NCAM2: variants seen among roughly 807,000 people sequenced by gnomAD.
The protein encoded by NCAM2 is neural cell adhesion molecule 2.
In NCAM2, 30 loss-of-function variants were observed where a neutral mutation model predicts 98.1. The observed-to-expected ratio is 0.31, with a 90% CI of 0.23 to 0.41. The LOEUF (loss-of-function observed/expected upper bound fraction) is 0.41. Ranked by LOEUF, NCAM2 falls within the 10% of genes least tolerant of loss-of-function variation. NCAM2 has a pLI of 1.00. For synonymous variants in NCAM2, 368 were observed against 342.4 expected (o/e 1.07, Z -0.83); for missense variants, 867 against 1,005.8 (o/e 0.86, Z 1.87).
chr21:21,463,496 A>G (rs562116063), intron 12 of NCAM2, among the ~76,000 whole-genome samples: 2 of 152,166 alleles, frequency 1.3e-5, no homozygotes, highest in South Asian at 2.1e-4. Context: ...TTTAAAGGTT[A>G]TCTATAAAAC....
At chr21:21,177,315 C>G (rs1281889491) in intron 1 of NCAM2, among the ~76,000 whole-genome samples, 1 of 151,946 alleles carries the variant, frequency 6.6e-6, no homozygotes, top group Non-Finnish European at 1.5e-5. Context: ...TATGTATTTG[C>G]TTAAAGATTT....
intron 1 of NCAM2, among the ~76,000 whole-genome samples, chr21:21,067,631 G>T (rs888674832): frequency 1.3e-5 from 2 of 152,030 alleles, no homozygotes; most frequent in African/African-American, 4.8e-5. Context: ...ACACTGGTAA[G>T]ACCTTTGTAT....
At chr21:21,055,329 C>T (rs8128107) in intron 1 of NCAM2, among the ~76,000 whole-genome samples, 9,078 of 152,016 alleles carry the variant, frequency 0.06, 284 homozygotes, top group East Asian at 0.096. Context: ...TGTGATTATG[C>T]CCACTGGGCA....
intron 6 of NCAM2, among the ~76,000 whole-genome samples, chr21:21,328,762 T>A (rs1226042792): frequency 6.6e-6 from 1 of 151,708 alleles, no homozygotes; most frequent in Non-Finnish European, 1.5e-5. Context: ...CTAAGGTGAA[T>A]TTATTATTGA....
At chr21:21,163,080 G>A (rs1219813058) in intron 1 of NCAM2, among the ~76,000 whole-genome samples, 3 of 152,094 alleles carry the variant, frequency 2.0e-5, no homozygotes, top group African/African-American at 7.2e-5. Context: ...TACTAATGTT[G>A]AAGCAAAAAG....
At chr21:21,020,683 C>T (rs1294472646) in intron 1 of NCAM2, among the ~76,000 whole-genome samples, 2 of 152,198 alleles carry the variant, frequency 1.3e-5, no homozygotes, top group African/African-American at 4.8e-5. Context: ...ACCTGTGTTA[C>T]CAGGTTTCCT....
chr21:21,188,731 G>C (rs2068720854), intron 1 of NCAM2, among the ~76,000 whole-genome samples: 1 of 152,176 alleles, frequency 6.6e-6, no homozygotes, highest in Non-Finnish European at 1.5e-5. Flanking sequence ...GGGAAGGATA[G>C]AGCTAATTAC....
At chr21:21,194,794 T>G (rs919805721) in intron 1 of NCAM2, among the ~76,000 whole-genome samples, 2 of 152,190 alleles carry the variant, frequency 1.3e-5, no homozygotes, top group African/African-American at 4.8e-5. Context: ...CATTGTCTAA[T>G]AATTACTGCA....
chr21:21,458,581 A>G (rs927879767), intron 12 of NCAM2, among the ~76,000 whole-genome samples: 3 of 152,196 alleles, frequency 2.0e-5, no homozygotes, highest in Non-Finnish European at 4.4e-5. Flanking sequence ...ATGTGAGGAA[A>G]AAGTGACATA....
In NCAM2 at chr21:21,035,744, A is replaced by C. The variant is rs1281667547; in HGVS notation, c.55+37126A>C. Among the ~76,000 whole-genome samples the C allele has an allele frequency of 2.0e-5, 3 of 152,158 alleles. No individual in the cohort carries two copies. In the East Asian group the frequency reaches 5.8e-4, roughly 29 times the overall value. ...GTGTTTGATAAGAGTATTTGATAAG[A>C]GTGTTTTCCATAAACCTGCTTGAAC... On this transcript the variant is annotated intron_variant, in intron 1 of 17. Coordinates refer to ENST00000400546, the MANE Select transcript of NCAM2 (RefSeq NM_004540.5).
chr21:21,230,013 CAAGT>C (rs2070556204), intron 1 of NCAM2, among the ~76,000 whole-genome samples: 2 of 151,088 alleles, frequency 1.3e-5, no homozygotes, highest in East Asian at 3.9e-4. Context: ...GAGAAACACA[CAAGT>C]AAGAGGTAGT....
chr21:21,348,730 A>G (rs2075256380), intron 8 of NCAM2, among the ~76,000 whole-genome samples: 1 of 152,192 alleles, frequency 6.6e-6, no homozygotes, highest in African/African-American at 2.4e-5. Flanking sequence ...ACTGGTGTAC[A>G]CACAGATACA....
intron 16 of NCAM2, among the ~76,000 whole-genome samples, chr21:21,529,687 A>G (rs1003247398): frequency 2.6e-5 from 4 of 152,088 alleles, no homozygotes; most frequent in Admixed American, 6.5e-5. Flanking sequence ...CTCTCATGAT[A>G]TACCAGATGA....
chr21:21,102,162 G>A (rs572243840), intron 1 of NCAM2, among the ~76,000 whole-genome samples: 1 of 152,158 alleles, frequency 6.6e-6, no homozygotes, highest in East Asian at 1.9e-4. Flanking sequence ...GCACACTTGT[G>A]TTAAAACATG....
chr21:21,265,469 G>A (rs931801563), intron 1 of NCAM2, among the ~76,000 whole-genome samples: 1 of 137,268 alleles, frequency 7.3e-6, no homozygotes, highest in Non-Finnish European at 1.5e-5. Context: ...ATATATGTGT[G>A]TATATATATT....
In NCAM2 at chr21:21,335,487, C is replaced by A. The variant is rs768190681; in HGVS notation, c.738-18C>A. 3 of 1,571,654 alleles carry A rather than the reference C, an allele frequency of 1.9e-6. No homozygotes were observed. Among genetic ancestry groups the A allele is most frequent in the Non-Finnish European group, 2.6e-6 (3 of 1,162,962 alleles). On this transcript the variant is annotated intron_variant, in intron 6 of 17. Coordinates refer to ENST00000400546, the MANE Select transcript of NCAM2 (RefSeq NM_004540.5). The stretch of plus-strand genomic sequence containing the variant: ...TAAAGCCAGATCTGTGAGGATGAAC[C>A]TCTTTTTTCTTCTTTAGGAATGGCA...
At chr21:21,239,575 T>G (rs2070985122) in intron 1 of NCAM2, among the ~76,000 whole-genome samples, 1 of 152,212 alleles carries the variant, frequency 6.6e-6, no homozygotes, top group African/African-American at 2.4e-5. Context: ...ACCTAATTAT[T>G]AAACCCTCCT....
At chr21:21,323,531 G>A (rs2147791675) in intron 5 of NCAM2, among the ~76,000 whole-genome samples, 1 of 152,146 alleles carries the variant, frequency 6.6e-6, no homozygotes, top group Non-Finnish European at 1.5e-5. Flanking sequence ...ATTACTTTAT[G>A]ATATTCAGCT....
At chr21:21,083,707 C>T (rs2065855054) in intron 1 of NCAM2, among the ~76,000 whole-genome samples, 1 of 152,212 alleles carries the variant, frequency 6.6e-6, no homozygotes, top group South Asian at 2.1e-4. Flanking sequence ...GAGCCACCAC[C>T]CCCAGCCTCA....
Sources: allele counts gnomAD v4.1 joint callset (sites outside exome capture counted in the v4.1 genomes callset), GRCh38; gene constraint gnomAD v4.1.1; transcripts MANE v1.5; gene names NCBI Gene and HGNC (gene_info 2026-07-23, HGNC 2026-07-21).